XKR6: variants seen among roughly 807,000 people sequenced by gnomAD.
The protein encoded by XKR6 is XK related 6, also known as XK-related protein 6.
Under a neutral mutation model 56.7 loss-of-function variants are expected in XKR6, and 22 were observed. The observed-to-expected ratio is 0.39, with a 90% CI of 0.28 to 0.55. The LOEUF (loss-of-function observed/expected upper bound fraction) is 0.55. XKR6 is among the 20% of genes least tolerant of loss of function. XKR6 has a pLI of 0.66. For missense variants in XKR6, 852 were observed against 889.0 expected (o/e 0.96, Z 0.53); for synonymous variants, 524 against 387.8 (o/e 1.35, Z -4.13).
At chr8:11,139,992 A>G (rs893874878) in intron 1 of XKR6, among the ~76,000 whole-genome samples, 1 of 152,224 alleles carries the variant, frequency 6.6e-6, no homozygotes, top group Non-Finnish European at 1.5e-5. Context: ...TAAAGTTCAA[A>G]AAGCGGGCAA....
At chr8:10,973,728 A>T (rs1036473815) in intron 1 of XKR6, among the ~76,000 whole-genome samples, 3 of 152,090 alleles carry the variant, frequency 2.0e-5, no homozygotes, top group African/African-American at 4.8e-5. Context: ...CTACAGGCGC[A>T]TGCCACCAGG....
chr8:10,959,417 T>C (rs1801995729), intron 1 of XKR6, among the ~76,000 whole-genome samples: 1 of 152,158 alleles, frequency 6.6e-6, no homozygotes, highest in Non-Finnish European at 1.5e-5. Flanking sequence ...TATAACAAAA[T>C]ACCCCTGGGT....
intron 1 of XKR6, among the ~76,000 whole-genome samples, chr8:11,126,268 A>G (rs1033728395): frequency 8.6e-5 from 13 of 151,884 alleles, no homozygotes; most frequent in African/African-American, 2.2e-4. Flanking sequence ...GGGGTTCACT[A>G]TATTGGTCAG....
chr8:11,126,135 C>A (rs1214935163), intron 1 of XKR6: 1 of 151,150 alleles, frequency 6.6e-6, no homozygotes. Flanking sequence ...GTGGCATGAT[C>A]TCGGCTCACT....
chr8:10,897,833 G>T lies in XKR6; in HGVS notation c.*119C>A. 7.8e-7 allele frequency: 1 copy of T among 1,278,308 alleles called. No individual in the cohort carries two copies. Among genetic ancestry groups the T allele is most frequent in the Non-Finnish European group, 1.1e-6 (1 of 950,056 alleles). The allele number at this position is 1,278,308 out of a possible 1,614,324, so 79.2% of individuals were successfully genotyped here. ...TTGTAGTGGTGGTGTTGGTGTGGCGGTGTTGGTGGTGGTGGCGGTGGTTCT... is the reference window on the plus strand; with the variant it reads ...TTGTAGTGGTGGTGTTGGTGTGGCGTTGTTGGTGGTGGTGGCGGTGGTTCT... On this transcript the variant is annotated 3_prime_UTR_variant, in exon 3 of 3. Coordinates refer to ENST00000416569, the MANE Select transcript of XKR6 (RefSeq NM_173683.4).
At chr8:11,135,859 T>C (rs888893673) in intron 1 of XKR6, among the ~76,000 whole-genome samples, 1 of 151,742 alleles carries the variant, frequency 6.6e-6, no homozygotes, top group Non-Finnish European at 1.5e-5. Context: ...AAGATAAAAA[T>C]ACAGAAAAGT....
chr8:10,999,430 C>A (rs1318275849), intron 1 of XKR6, among the ~76,000 whole-genome samples: 1 of 152,174 alleles, frequency 6.6e-6, no homozygotes, highest in Non-Finnish European at 1.5e-5. Context: ...TAAAATGAGG[C>A]AAAATGTTGA....
intron 1 of XKR6, among the ~76,000 whole-genome samples, chr8:10,935,516 T>G (rs1350370078): frequency 2.3e-5 from 3 of 131,982 alleles, no homozygotes; most frequent in Admixed American, 1.5e-4. Flanking sequence ...GGATCTTTCC[T>G]GCTTTCTCTT....
chr8:11,120,625 A>T (rs1368062878), intron 1 of XKR6, among the ~76,000 whole-genome samples: 1 of 152,164 alleles, frequency 6.6e-6, no homozygotes, highest in African/African-American at 2.4e-5. Context: ...GGTAATTTAT[A>T]GATTCAATGC....
rs555100938 is a variant in XKR6 at position 11,115,529 on chromosome 8, A to G, written c.764+85047T>C. On this transcript the variant is annotated intron_variant, in intron 1 of 2. Coordinates refer to ENST00000416569, the MANE Select transcript of XKR6 (RefSeq NM_173683.4). ...TATGCCCATTAAATATTATTCATAA[A>G]TTATCACATATAGTCTACACTAACA... 2.0e-5 allele frequency among the ~76,000 whole-genome samples: 3 copies of G among 152,340 alleles called. No individual in the cohort carries two copies. In the South Asian group the frequency reaches 6.2e-4, roughly 32 times the overall value.
At chr8:11,108,761 C>T (rs1275352380) in intron 1 of XKR6, 2 of 174,422 alleles carry the variant, frequency 1.1e-5, no homozygotes, top group South Asian at 1.4e-4. Context: ...GTCAGATCAC[C>T]GGCCAAGGTA....
chr8:11,011,560 C>CA (rs1048264597), intron 1 of XKR6, among the ~76,000 whole-genome samples: 3 of 152,142 alleles, frequency 2.0e-5, no homozygotes, highest in African/African-American at 7.2e-5. Context: ...AGAGAAGAAA[C>CA]AGGACAAAAA....
intron 1 of XKR6, among the ~76,000 whole-genome samples, chr8:11,015,287 T>G (rs905818706): frequency 2.0e-5 from 3 of 152,192 alleles, no homozygotes; most frequent in Admixed American, 6.5e-5. Context: ...TGCACTTTTA[T>G]TTTTACTCTT....
chr8:11,086,613 G>A (rs1797901527), intron 1 of XKR6, among the ~76,000 whole-genome samples: 1 of 152,198 alleles, frequency 6.6e-6, no homozygotes, highest in Non-Finnish European at 1.5e-5. Context: ...AATAAGTCAA[G>A]TTGCACACAC....
rs141747090 is a variant in XKR6 at position 11,092,416 on chromosome 8, G to A, written c.764+108160C>T. Among the ~76,000 whole-genome samples the A allele has an allele frequency of 4.6e-3, 697 of 152,156 alleles. 4 individuals carry two copies. Among genetic ancestry groups the A allele is most frequent in the Admixed American group, 0.013 (200 of 15,280 alleles). On this transcript the variant is annotated intron_variant, in intron 1 of 2. Transcript: ENST00000416569. ...AATTCTGGTTGCAACCCATTATATG[G>A]AGTTTGCAGCCCAAATGGAACACTT...
In XKR6 at chr8:10,960,232, ACAGGTATAGCAGGTAGGTG is replaced by A. The variant is rs1802022207; in HGVS notation, c.765-35421_765-35403del. On this transcript the variant is annotated intron_variant, in intron 1 of 2. Transcript: ENST00000416569. ...GTGGGTGCAGGTATAGCAGGTGGGTACAGGTATAGCAGGTAGGTGCAGGTATAGCAGGTGGGTGCAGGTA... is the reference window on the plus strand; with the variant it reads ...GTGGGTGCAGGTATAGCAGGTGGGTACAGGTATAGCAGGTGGGTGCAGGTA... 2.0e-5 allele frequency among the ~76,000 whole-genome samples: 3 copies of A among 150,142 alleles called. No individual in the cohort carries two copies. The South Asian group carries it at 6.3e-4, about 32-fold the overall frequency.
chr8:11,039,661 G>A (rs534454927), intron 1 of XKR6, among the ~76,000 whole-genome samples: 36 of 152,322 alleles, frequency 2.4e-4, no homozygotes, highest in Admixed American at 1.2e-3. Context: ...GTTCCAGCCT[G>A]GTGGCCCACG....
Position 11,200,990 on chromosome 8 carries a change from G to A in XKR6, c.350C>T (p.Pro117Leu), listed in dbSNP as rs2117176017. ...PPTPSAARPE[P>L]PPPQVERPWL... The stretch of plus-strand genomic sequence containing the variant: ...CGGCCGCTCCACCTGCGGCGGCGGC[G>A]GCTCCGGCCGCGCGGCCGAGGGCGT... The change falls in exon 1 of 3, where the codon CCG becomes CTG. Residue 117 changes from proline to leucine, a missense_variant. By Grantham distance (98) the Pro-to-Leu change is moderately conservative. This residue lies in a region of XKR6 where 417 missense variants were observed against 355.2 expected (regional missense o/e 1.17). Coordinates refer to ENST00000416569, the MANE Select transcript of XKR6 (RefSeq NM_173683.4). The surrounding 1 kb of genome is among the most constrained non-coding windows in gnomAD (Gnocchi z 6.4). 4 of 1,464,748 alleles carry A rather than the reference G, an allele frequency of 2.7e-6. No homozygotes were observed. The highest frequency in any genetic ancestry group is 3.6e-6 in the Non-Finnish European group (4 of 1,108,466). The allele number at this position is 1,464,748 out of a possible 1,614,324, so 90.7% of individuals were successfully genotyped here. A position where few individuals can be genotyped will look rare whatever the true frequency, so the allele number is the denominator to read the frequency against.
chr8:10,982,581 G>A (rs1206284845), intron 1 of XKR6, among the ~76,000 whole-genome samples: 1 of 152,176 alleles, frequency 6.6e-6, no homozygotes, highest in Non-Finnish European at 1.5e-5. Flanking sequence ...CGGGAGAAAT[G>A]TTCTGTTTGC....
Sources: allele counts gnomAD v4.1 joint callset (sites outside exome capture counted in the v4.1 genomes callset), GRCh38; gene constraint gnomAD v4.1.1; regional missense constraint gnomAD v4.1.1; non-coding constraint Gnocchi (gnomAD v3.1); transcripts MANE v1.5; gene names NCBI Gene and HGNC (gene_info 2026-07-23, HGNC 2026-07-21).